The following AGXT variants were observed in gnomAD, a reference collection of about 807,000 sequenced individuals.
AGXT encodes the protein L-alanine: glyoxylate aminotransferase 1.
In AGXT, 41 loss-of-function variants were observed where a neutral mutation model predicts 46.9. The observed-to-expected ratio is 0.88, with a 90% confidence interval of 0.68 to 1.14. The LOEUF is 1.14. Among genes scored for constraint, AGXT ranks in the 50% most tolerant of loss-of-function variants. The pLI, the probability that AGXT is intolerant of heterozygous loss-of-function variation, is 0.00. For synonymous variants in AGXT, 244 were observed against 227.9 expected (o/e 1.07, Z -0.64); for missense variants, 525 against 522.7 (o/e 1.00, Z -0.04).
chr2:240,877,818 G>A (rs1341870156), intron 9 of AGXT, among the ~76,000 whole-genome samples, 186 bp downstream of exon 9: 5 of 152,222 alleles, frequency 3.3e-5, no homozygotes, highest in South Asian at 2.1e-4. Flanking sequence ...CCTCTGATGC[G>A]GGATCTCAGG....
At chr2:240,877,420 A>G in intron 8 of AGXT, 117 bp from the exon 9 acceptor site, 1 of 1,018,222 alleles carries the variant, frequency 9.8e-7, no homozygotes, top group Non-Finnish European at 1.5e-6. Flanking sequence ...TGGGGGCTCC[A>G]GGGGCTCCCC....
intron 6 of AGXT, 112 bp downstream of exon 6, chr2:240,874,174 C>T (rs1017642248): frequency 9.5e-7 from 1 of 1,048,204 alleles, no homozygotes; most frequent in Non-Finnish European, 1.4e-6. Context: ...CATGCTCCTC[C>T]AGCACCTGGC....
intron 6 of AGXT, among the ~76,000 whole-genome samples, chr2:240,874,871 C>T (rs1559570250): frequency 6.6e-6 from 1 of 152,212 alleles, no homozygotes; most frequent in Non-Finnish European, 1.5e-5. Context: ...GGGAGCTGGC[C>T]TTGGTGCCCC....
At position 240,868,873 on chromosome 2, in the gene AGXT, C is replaced by G; in HGVS notation, c.8C>G (p.Ser3Cys). The G allele has an allele frequency of 6.2e-7, 1 of 1,611,592 alleles. No homozygotes were observed. The highest frequency in any genetic ancestry group is 8.5e-7 in the Non-Finnish European group (1 of 1,179,434). ...GCAGGTTGGGTGCGGACCATGGCCT[C>G]TCACAAGCTGCTGGTGACCCCCCCC... MA[S>C]HKLLVTPPKA... Residue 3 changes from serine (S) to cysteine (C), a missense_variant, in exon 1 of 11, where the codon TCT (serine) becomes TGT (cysteine). Coordinates refer to ENST00000307503, the MANE Select transcript of AGXT (RefSeq NM_000030.3).
chr2:240,869,480 C>G, intron 2 of AGXT, 118 bp downstream of exon 2: 3 of 1,255,980 alleles, frequency 2.4e-6, no homozygotes, highest in Non-Finnish European at 3.2e-6. Context: ...CACCTTGTGG[C>G]CCTGTGCGCA....
Position 240,870,500 on chromosome 2 carries a change from C to T in AGXT, c.359-144C>T, listed in dbSNP as rs1443565577. The T allele has an allele frequency of 4.4e-6, 4 of 910,306 alleles. No homozygotes were observed. In the South Asian group the frequency reaches 4.7e-5, roughly 11 times the overall value. 56.4% of individuals were successfully genotyped at this position (910,306 alleles called of 1,614,324 possible). A position where few individuals can be genotyped will look rare whatever the true frequency, so the allele number is the denominator to read the frequency against. ...GAGGCTCTCATTGGGCAGAGTCCAC[C>T]CTCCTCTTCAGGCAGGCAGCCAGGG... is the stretch of plus-strand genomic sequence containing the variant. On this transcript the variant is annotated intron_variant, in intron 2 of 10. Coordinates refer to ENST00000307503, the MANE Select transcript of AGXT (RefSeq NM_000030.3).
chr2:240,874,134 A>AGGGGGGGGT, intron 6 of AGXT, 72 bp downstream of exon 6: 3 of 1,475,018 alleles, frequency 2.0e-6, no homozygotes, highest in Non-Finnish European at 2.8e-6. Context: ...CCGAGGCGGG[A>AGGGGGGGGT]GGGGCGGGAG....
chr2:240,875,021 C>T, intron 6 of AGXT, 88 bp from the exon 7 acceptor site: 1 of 1,261,072 alleles, frequency 7.9e-7, no homozygotes, highest in Non-Finnish European at 1.2e-6. Flanking sequence ...CCCCGTCTCA[C>T]TCCCGTGAAA....
intron 3 of AGXT, 87 bp downstream of exon 3, chr2:240,870,795 C>A: frequency 2.2e-6 from 3 of 1,335,546 alleles, no homozygotes; most frequent in Non-Finnish European, 3.1e-6. Context: ...GGCCAGCCAG[C>A]AGGGTGGGAT....
intron 7 of AGXT, 100 bp downstream of exon 7, chr2:240,875,304 C>A (rs569446960): frequency 1.9e-6 from 2 of 1,030,620 alleles, no homozygotes; most frequent in East Asian, 2.5e-5. Context: ...AAGCCCCCCA[C>A]CTTCATGCCT....
chr2:240,875,916 G>A lies in AGXT; in HGVS notation c.777-19G>A. On this transcript the variant is annotated intron_variant, in intron 7 of 10. Transcript: ENST00000307503. The stretch of plus-strand genomic sequence containing the variant: ...AACCCTGCCCATGGTGCTGGACCAA[G>A]CCCCCTCGTGTCTTCCAGGTACCAT... The A allele has an allele frequency of 1.2e-6, 2 of 1,614,060 alleles. No homozygotes were observed. Among genetic ancestry groups the A allele is most frequent in the South Asian group, 2.2e-5 (2 of 91,080 alleles).
intron 8 of AGXT, chr2:240,876,834 TG>T (rs2059027224): frequency 1.8e-5 from 3 of 167,222 alleles, no homozygotes; most frequent in Admixed American, 1.1e-4. Flanking sequence ...TAAAGGTGGG[TG>T]GGGGGTGTGA....
Position 240,871,278 on chromosome 2 carries a change from T to TG in AGXT, c.424-65dup. ...CTGCTACCTGGAGCTGTGCCACCCA[T>TG]GGGGGGTTTGTGGGGGTGTTCTGGC... On this transcript the variant is annotated intron_variant, in intron 3 of 10. Coordinates refer to ENST00000307503, the MANE Select transcript of AGXT (RefSeq NM_000030.3). 2.2e-6 allele frequency: 3 copies of TG among 1,334,546 alleles called. No individual in the cohort carries two copies. In the South Asian group the frequency reaches 3.8e-5, roughly 17 times the overall value. 82.7% of individuals were successfully genotyped at this position (1,334,546 alleles called of 1,614,324 possible). A position where few individuals can be genotyped will look rare whatever the true frequency, so the allele number is the denominator to read the frequency against.
rs116918221 is a variant in AGXT, at chr2:240,873,720, T to C, written c.596-258T>C. Reference sequence around the variant, plus strand: ...GGGAGGGCCCCAGGGACACGGTGCCTGGGGTGGCAGGGCTGTCCCTGGGGA... The same window carrying C: ...GGGAGGGCCCCAGGGACACGGTGCCCGGGGTGGCAGGGCTGTCCCTGGGGA... On this transcript the variant is annotated intron_variant, in intron 5 of 10. Coordinates refer to ENST00000307503, the MANE Select transcript of AGXT (RefSeq NM_000030.3). Among the ~76,000 whole-genome samples the C allele has an allele frequency of 4.1e-3, 624 of 152,140 alleles. 23 individuals carry two copies. The East Asian group carries it at 0.072, about 18-fold the overall frequency.
intron 9 of AGXT, 142 bp downstream of exon 9, chr2:240,877,774 G>C (rs2059035366): frequency 9.5e-7 from 1 of 1,049,366 alleles, no homozygotes; most frequent in Non-Finnish European, 1.4e-6. Context: ...CCAGGGATTA[G>C]TCTCGGCAGG....
intron 8 of AGXT, chr2:240,877,034 G>A (rs939449796): frequency 1.7e-5 from 4 of 240,572 alleles, no homozygotes; most frequent in African/African-American, 6.8e-5. Flanking sequence ...GCTGGAGGCC[G>A]GGAGGACCCG....
intron 2 of AGXT, 79 bp from the exon 3 acceptor site, chr2:240,870,565 T>C: frequency 2.6e-6 from 4 of 1,517,450 alleles, no homozygotes; most frequent in Non-Finnish European, 2.7e-6. Context: ...AGGGCCCTGC[T>C]CAGCAGGGCC....
In AGXT at chr2:240,878,857, C is replaced by T; in HGVS notation, c.*36C>T. The T allele has an allele frequency of 6.5e-7, 1 of 1,536,736 alleles. No homozygotes were observed. On this transcript the variant is annotated 3_prime_UTR_variant, in exon 11 of 11. Coordinates refer to ENST00000307503, the MANE Select transcript of AGXT (RefSeq NM_000030.3). ...GGCACACAGCTGGCACTGGCACACACCTGTCCCATGCCCACCCTGAGGGAT... is the reference window on the plus strand; with the variant it reads ...GGCACACAGCTGGCACTGGCACACATCTGTCCCATGCCCACCCTGAGGGAT...
chr2:240,871,943 G>T (rs2058993087), intron 4 of AGXT, among the ~76,000 whole-genome samples: 1 of 152,240 alleles, frequency 6.6e-6, no homozygotes, highest in African/African-American at 2.4e-5. Flanking sequence ...ACAGGACAGA[G>T]GAGAGAAACT....
Sources: allele counts gnomAD v4.1 joint callset (sites outside exome capture counted in the v4.1 genomes callset), GRCh38; gene constraint gnomAD v4.1.1; transcripts MANE v1.5; gene names NCBI Gene and HGNC (gene_info 2026-07-23, HGNC 2026-07-21).